FMN2: variants seen among roughly 807,000 people sequenced by gnomAD.
FMN2 encodes formin-2.
FMN2 carries 51 observed loss-of-function variants against 142.3 expected under a neutral mutation model. The ratio of observed to expected loss-of-function variants is 0.36; its 90% CI spans 0.29 to 0.45. The LOEUF (loss-of-function observed/expected upper bound fraction) is 0.45. FMN2 is among the 20% of genes least tolerant of loss of function. The probability of loss-of-function intolerance (pLI) is 1.00; values close to 1 mark genes in which losing one functional copy is unlikely to be tolerated. For missense variants in FMN2, 1,936 were observed against 2,122.8 expected (o/e 0.91, Z 1.73); for synonymous variants, 882 against 869.8 (o/e 1.01, Z -0.25).
intron 4 of FMN2, among the ~76,000 whole-genome samples, chr1:240,202,575 G>A (rs182673071): frequency 1.3e-5 from 2 of 152,186 alleles, no homozygotes; most frequent in East Asian, 1.9e-4. Context: ...TGCTCCTCCA[G>A]TCTCAGCCTC....
intron 2 of FMN2, among the ~76,000 whole-genome samples, chr1:240,164,718 G>T (rs1343655508): frequency 6.6e-6 from 1 of 152,140 alleles, no homozygotes; most frequent in East Asian, 1.9e-4. Context: ...TTCATTGAAG[G>T]TCATCTATTT....
intron 3 of FMN2, among the ~76,000 whole-genome samples, chr1:240,185,144 C>A (rs111229883): frequency 2.5e-3 from 291 of 114,520 alleles, no homozygotes; most frequent in East Asian, 0.019. Flanking sequence ...CCCTCCTATA[C>A]CTTCCCCTTC....
chr1:240,223,244 A>T (rs1231079293), intron 6 of FMN2, among the ~76,000 whole-genome samples: 1 of 152,192 alleles, frequency 6.6e-6, no homozygotes, highest in Non-Finnish European at 1.5e-5. Flanking sequence ...TGAGATAATC[A>T]TCTGGTTTTT....
chr1:240,372,900 C>T (rs1045990714), intron 14 of FMN2, among the ~76,000 whole-genome samples: 3 of 152,146 alleles, frequency 2.0e-5, no homozygotes, highest in Non-Finnish European at 4.4e-5. Flanking sequence ...AAAATGCTAA[C>T]AATCGGCTGG....
At chr1:240,121,206 C>G (rs539873335) in intron 1 of FMN2, among the ~76,000 whole-genome samples, 1 of 152,034 alleles carries the variant, frequency 6.6e-6, no homozygotes, top group East Asian at 1.9e-4. Context: ...ACTCTGCACT[C>G]TCGCTAACAT....
chr1:240,447,668 C>T (rs938258289), intron 16 of FMN2, among the ~76,000 whole-genome samples: 4 of 152,196 alleles, frequency 2.6e-5, no homozygotes, highest in African/African-American at 9.6e-5. Context: ...TACGTGGGGC[C>T]TGAACGTAGA....
chr1:240,196,632 C>T (rs567284628), intron 4 of FMN2, among the ~76,000 whole-genome samples: 11 of 152,286 alleles, frequency 7.2e-5, no homozygotes, highest in African/African-American at 2.6e-4. Context: ...CTTCCTCAGC[C>T]TCCCTAGTAG....
At chr1:240,451,985 A>T (rs1438061044) in intron 16 of FMN2, among the ~76,000 whole-genome samples, 5 of 151,690 alleles carry the variant, frequency 3.3e-5, no homozygotes, top group Non-Finnish European at 5.9e-5. Context: ...AGGTCAGGAG[A>T]TCGAGACCAT....
At chr1:240,378,196 G>T (rs1455779403) in intron 14 of FMN2, among the ~76,000 whole-genome samples, 1 of 151,492 alleles carries the variant, frequency 6.6e-6, no homozygotes, top group Non-Finnish European at 1.5e-5. Flanking sequence ...TGTTGCCCAG[G>T]CTAGAGTACA....
chr1:240,451,425 T>C (rs1460218080), intron 16 of FMN2, among the ~76,000 whole-genome samples: 5 of 152,114 alleles, frequency 3.3e-5, no homozygotes, highest in Admixed American at 3.3e-4. Context: ...TGTAGCTGTT[T>C]TGCTGTGAGC....
chr1:240,431,488 G>C (rs1675175943), intron 15 of FMN2, among the ~76,000 whole-genome samples: 1 of 148,592 alleles, frequency 6.7e-6, no homozygotes, highest in Non-Finnish European at 1.5e-5. Context: ...CTATTGACTG[G>C]CTAGAGATTT....
At chr1:240,326,869 G>T (rs2103009265) in intron 8 of FMN2, among the ~76,000 whole-genome samples, 1 of 152,224 alleles carries the variant, frequency 6.6e-6, no homozygotes, top group Admixed American at 6.5e-5. Context: ...GGGGACTTGT[G>T]TGTCTTAAAA....
intron 8 of FMN2, among the ~76,000 whole-genome samples, chr1:240,326,274 T>G (rs1268477586): frequency 2.0e-5 from 3 of 152,174 alleles, no homozygotes; most frequent in African/African-American, 7.2e-5. Flanking sequence ...GACAGTTCCC[T>G]TGACTTGCCA....
At chr1:240,221,287 C>A (rs1388137104) in intron 6 of FMN2, among the ~76,000 whole-genome samples, 3 of 152,166 alleles carry the variant, frequency 2.0e-5, no homozygotes, top group Non-Finnish European at 2.9e-5. Context: ...CTTGAGGAAT[C>A]ACCACACTGT....
At chr1:240,280,484 C>G (rs767717025) in intron 7 of FMN2, among the ~76,000 whole-genome samples, 2 of 152,086 alleles carry the variant, frequency 1.3e-5, no homozygotes, top group African/African-American at 2.4e-5. Flanking sequence ...TCACTGTGCC[C>G]CTTTTAGAGC....
chr1:240,319,725 A>G (rs1189803099), intron 8 of FMN2, among the ~76,000 whole-genome samples: 1 of 152,120 alleles, frequency 6.6e-6, no homozygotes, highest in Non-Finnish European at 1.5e-5. Context: ...CTTTGATGTG[A>G]TTAACTAATG....
At chr1:240,414,939 T>C (rs887317950) in intron 15 of FMN2, among the ~76,000 whole-genome samples, 1 of 152,222 alleles carries the variant, frequency 6.6e-6, no homozygotes. Context: ...GATAACTTTA[T>C]ACATCTTTCT....
intron 8 of FMN2, among the ~76,000 whole-genome samples, chr1:240,302,171 A>G (rs1378071426): frequency 7.2e-5 from 11 of 151,998 alleles, no homozygotes. Flanking sequence ...TTCTAATGCT[A>G]TAATTTTCCT....
At chr1:240,299,228 G>A (rs749682976) in intron 8 of FMN2, among the ~76,000 whole-genome samples, 3 of 152,086 alleles carry the variant, frequency 2.0e-5, no homozygotes, top group Admixed American at 2.0e-4. Context: ...GATTACAGGC[G>A]TGAGCCACCA....
Sources: gnomAD v4.1 joint callset for allele counts (sites outside exome capture counted in the v4.1 genomes callset) on GRCh38, gnomAD v4.1.1 for gene constraint, MANE v1.5 for transcripts, NCBI Gene and HGNC (gene_info 2026-07-23, HGNC 2026-07-21) for gene names.